Variants in SLC35A5 observed in about 807,000 individuals in gnomAD.
The protein encoded by SLC35A5 is solute carrier family 35 member A5.
SLC35A5 carries 28 observed loss-of-function variants against 36.3 expected under a neutral mutation model. That is an observed-to-expected ratio of 0.77 (90% CI 0.57 to 1.06). The LOEUF is 1.06. Ranked by LOEUF, SLC35A5 falls within the 50% of genes least tolerant of loss-of-function variation. The pLI is 0.00. For missense variants in SLC35A5, 521 were observed against 499.3 expected (o/e 1.04, Z -0.41); for synonymous variants, 180 against 173.7 (o/e 1.04, Z -0.29).
chr3:112,573,480 T>G (rs1934539363), intron 4 of SLC35A5, among the ~76,000 whole-genome samples: 1 of 152,260 alleles, frequency 6.6e-6, no homozygotes, highest in South Asian at 2.1e-4. Flanking sequence ...TAAAAAAATC[T>G]ATACTTCAGT....
At chr3:112,566,121 G>A (rs1254788753) in intron 2 of SLC35A5, among the ~76,000 whole-genome samples, 1 of 152,174 alleles carries the variant, frequency 6.6e-6, no homozygotes, top group East Asian at 1.9e-4. Flanking sequence ...GACAGGATTT[G>A]GAGAATGTAT....
intron 5 of SLC35A5, among the ~76,000 whole-genome samples, chr3:112,574,823 T>C (rs1934598953): frequency 6.6e-6 from 1 of 152,106 alleles, no homozygotes; most frequent in Admixed American, 6.5e-5. Context: ...ATATAAATTA[T>C]ATAAGATTCC....
At chr3:112,575,195 A>G (rs534187491) in intron 5 of SLC35A5, among the ~76,000 whole-genome samples, 1 of 152,290 alleles carries the variant, frequency 6.6e-6, no homozygotes, top group African/African-American at 2.4e-5. Flanking sequence ...CAAGATGATA[A>G]AAGGATCACG....
At chr3:112,570,340 G>A (rs1934383452) in intron 3 of SLC35A5, 200 bp from the exon 4 acceptor site, 1 of 423,646 alleles carries the variant, frequency 2.4e-6, no homozygotes, top group African/African-American at 2.1e-5. Flanking sequence ...AAATTAACAG[G>A]AATTAGGATA....
chr3:112,561,693 G>A, upstream of SLC35A5: 1 of 681,578 alleles, frequency 1.5e-6, no homozygotes, highest in East Asian at 3.0e-5. Flanking sequence ...CGGGACGAGG[G>A]GGCGGGGCGG....
intron 6 of SLC35A5, 91 bp from the exon 7 acceptor site, chr3:112,582,580 G>T (rs1934975561): frequency 3.6e-6 from 3 of 828,920 alleles, no homozygotes; most frequent in Non-Finnish European, 4.0e-6. Context: ...GCTTAATGAG[G>T]TAAGACCAGT....
rs1189837734 is a variant in SLC35A5 at position 112,580,529 on chromosome 3, T to C, written c.429-17T>C. 10 of 1,569,620 alleles carry C rather than the reference T, an allele frequency of 6.4e-6. No individual in the cohort carries two copies. Among genetic ancestry groups the C allele is most frequent in the Non-Finnish European group, 8.6e-6 (10 of 1,162,582 alleles). ...GGGGAAAACAGTAGTAAAATCTTTT[T>C]TTTCATCTTTGAACAGGAGGCGTCT... On this transcript the variant is annotated splice_polypyrimidine_tract_variant and intron_variant, in intron 5 of 6. Coordinates refer to ENST00000492406, the MANE Select transcript of SLC35A5 (RefSeq NM_017945.5).
At chr3:112,578,996 G>A (rs181174186) in intron 5 of SLC35A5, among the ~76,000 whole-genome samples, 4 of 152,212 alleles carry the variant, frequency 2.6e-5, no homozygotes, top group Admixed American at 1.3e-4. Context: ...CTGCGCTAAC[G>A]CCATCAGTAA....
chr3:112,584,709 A>G lies in SLC35A5; in HGVS notation c.*1973A>G, dbSNP rs1386333933. 1 of 152,170 alleles carries G rather than the reference A, an allele frequency of 6.6e-6. No homozygotes were observed. Among genetic ancestry groups the G allele is most frequent in the Non-Finnish European group, 1.5e-5 (1 of 68,028 alleles). The allele number at this position is 152,170 out of a possible 1,614,324, so 9.4% of individuals were successfully genotyped here. A position where few individuals can be genotyped will look rare whatever the true frequency, so the allele number is the denominator to read the frequency against. ...CTGGGTACCTACCCAAAGGAAAATA[A>G]ATCGTTTTATCAAAAAGACACTTGC... On this transcript the variant is annotated 3_prime_UTR_variant, in exon 7 of 7. Coordinates refer to ENST00000492406, the MANE Select transcript of SLC35A5 (RefSeq NM_017945.5).
chr3:112,574,944 A>C (rs549949324), intron 5 of SLC35A5, among the ~76,000 whole-genome samples: 1 of 152,294 alleles, frequency 6.6e-6, no homozygotes, highest in African/African-American at 2.4e-5. Context: ...AGTACATCGA[A>C]GTTTGTTCTA....
intron 2 of SLC35A5, among the ~76,000 whole-genome samples, chr3:112,568,638 G>A (rs1204452666): frequency 3.3e-5 from 5 of 152,130 alleles, no homozygotes; most frequent in Non-Finnish European, 7.4e-5. Context: ...TTACCTCAGT[G>A]TACCATTTAT....
intron 4 of SLC35A5, among the ~76,000 whole-genome samples, chr3:112,573,503 T>C (rs1336527328): frequency 6.6e-6 from 1 of 152,206 alleles, no homozygotes; most frequent in Non-Finnish European, 1.5e-5. Context: ...TCTTACTATA[T>C]TAATGGGCCA....
intron 6 of SLC35A5, among the ~76,000 whole-genome samples, chr3:112,581,678 G>T (rs1185968839): frequency 6.6e-6 from 1 of 152,158 alleles, no homozygotes; most frequent in Non-Finnish European, 1.5e-5. Context: ...GAAAGAACTG[G>T]TACACCTATG....
rs1443343272 is a variant in SLC35A5 at position 112,580,681 on chromosome 3, T to G, written c.564T>G (p.Pro188=). Residue 188 remains proline, a synonymous_variant, in exon 6 of 7, where the codon CCT becomes CCG. Transcript: ENST00000492406. ...RGFHHDAFFS[P]SNSCLLFRSE... ...TTCATCACGATGCCTTTTTCAGCCCTTCCAATTCCTGCCTTCTTTTCAGAA... is the reference window on the plus strand; with the variant it reads ...TTCATCACGATGCCTTTTTCAGCCCGTCCAATTCCTGCCTTCTTTTCAGAA... 1.2e-6 allele frequency: 2 copies of G among 1,614,154 alleles called. No homozygotes were observed. The highest frequency in any genetic ancestry group is 4.5e-5 in the East Asian group (2 of 44,878).
rs780084734 is a variant in SLC35A5, at chr3:112,581,036, G to A, written c.919G>A (p.Val307Ile). The change falls in exon 6 of 7, where the codon GTA (valine) becomes ATA (isoleucine). Residue 307 changes from valine (V) to isoleucine (I), a missense_variant. Physicochemically the swap from Val to Ile is conservative, Grantham distance 29 (BLOSUM62 3). Transcript: ENST00000492406. Reference sequence around the variant, plus strand: ...TTTTTATGGCCACAGTGCATTTTCAGTAGCCCTTATTTTTGTAACTGCATT... The same window carrying A: ...TTTTTATGGCCACAGTGCATTTTCAATAGCCCTTATTTTTGTAACTGCATT... The part of the protein sequence containing the change: ...GFFYGHSAFS[V>I]ALIFVTAFQG... 1.7e-5 allele frequency: 28 copies of A among 1,613,950 alleles called. 1 individual carries two copies. In the Middle Eastern group the frequency reaches 6.6e-4, roughly 38 times the overall value.
chr3:112,573,992 T>A (rs1934567441), intron 5 of SLC35A5, 36 bp downstream of exon 5: 1 of 1,525,450 alleles, frequency 6.6e-7, no homozygotes, highest in Non-Finnish European at 9.1e-7. Context: ...TATCATACTT[T>A]AAAATAACAT....
At position 112,576,227 on chromosome 3, in the gene SLC35A5, A is replaced by G. The variant is rs937336231; in HGVS notation, c.428+2271A>G. 3.3e-5 allele frequency among the ~76,000 whole-genome samples: 5 copies of G among 151,904 alleles called. No individual in the cohort carries two copies. The South Asian group carries it at 1.0e-3, about 31-fold the overall frequency. ...ACTGCAACCTCCGCCTCCTGGGTTCAAGTGATTCCCCTGCCTCAGCCTCCC... is the reference window on the plus strand; with the variant it reads ...ACTGCAACCTCCGCCTCCTGGGTTCGAGTGATTCCCCTGCCTCAGCCTCCC... On this transcript the variant is annotated intron_variant, in intron 5 of 6. Transcript: ENST00000492406.
intron 2 of SLC35A5, among the ~76,000 whole-genome samples, chr3:112,564,683 C>A (rs1934112867): frequency 6.6e-6 from 1 of 152,188 alleles, no homozygotes; most frequent in Non-Finnish European, 1.5e-5. Context: ...GGCCATATTT[C>A]AGACTATCAC....
intron 4 of SLC35A5, among the ~76,000 whole-genome samples, chr3:112,572,399 G>A (rs909662429): frequency 2.0e-5 from 3 of 152,154 alleles, no homozygotes; most frequent in South Asian, 2.1e-4. Flanking sequence ...CTTTGGCTCT[G>A]TAATGCATGT....
Sources: allele counts gnomAD v4.1 joint callset (sites outside exome capture counted in the v4.1 genomes callset), GRCh38; gene constraint gnomAD v4.1.1; transcripts MANE v1.5; gene names NCBI Gene and HGNC (gene_info 2026-07-23, HGNC 2026-07-21).